OAS1: variants seen among roughly 807,000 people sequenced by gnomAD.
The protein encoded by OAS1 is 2'-5'-oligoadenylate synthase 1.
In OAS1, 24 loss-of-function variants were observed where a neutral mutation model predicts 38.5. The ratio of observed to expected loss-of-function variants is 0.62; its 90% CI spans 0.45 to 0.88. OAS1 has a LOEUF of 0.88. OAS1 is among the 40% of genes least tolerant of loss of function. The pLI is 0.00. For synonymous variants in OAS1, 169 were observed against 193.9 expected, an observed-to-expected ratio of 0.87 and a Z score of 1.07; for missense variants, 482 against 493.9, an observed-to-expected ratio of 0.98 and a Z score of 0.23.
intron 3 of OAS1, among the ~76,000 whole-genome samples, chr12:112,912,499 T>TA (rs1005449255): frequency 5.9e-5 from 9 of 152,016 alleles, no homozygotes; most frequent in African/African-American, 1.9e-4. Context: ...CACCTCTAGG[T>TA]AAAAAAAAGA....
intron 6 of OAS1, among the ~76,000 whole-genome samples, chr12:112,925,054 C>G (rs1331786312): frequency 6.6e-6 from 1 of 152,014 alleles, no homozygotes; most frequent in Non-Finnish European, 1.5e-5. Context: ...GCCGAGAAAA[C>G]AAAACTAAAA....
intron 6 of OAS1, among the ~76,000 whole-genome samples, chr12:112,925,842 G>T (rs1208653628): frequency 6.6e-6 from 1 of 152,190 alleles, no homozygotes; most frequent in Admixed American, 6.5e-5. Context: ...GTGGCTCTTA[G>T]TGTTACAGAG....
downstream of OAS1, among the ~76,000 whole-genome samples, chr12:112,923,626 T>G (rs1291121058): frequency 6.6e-6 from 1 of 152,242 alleles, no homozygotes; most frequent in Non-Finnish European, 1.5e-5. Context: ...CCTTATTAGA[T>G]GTATGGTTTG....
rs1358750684 is a variant in OAS1 at position 112,919,889 on chromosome 12, A to T, written c.*336A>T. ...TAATGTATTATCAATAACAATAAAAATAAAGCAAATACCATTTATTGGGTG... is the reference window on the plus strand; with the variant it reads ...TAATGTATTATCAATAACAATAAAATTAAAGCAAATACCATTTATTGGGTG... On this transcript the variant is annotated 3_prime_UTR_variant, in exon 6 of 6. Coordinates refer to ENST00000202917, the MANE Select transcript of OAS1 (RefSeq NM_016816.4). 1.6e-5 allele frequency: 11 copies of T among 707,916 alleles called. No individual in the cohort carries two copies. Among genetic ancestry groups the T allele is most frequent in the Middle Eastern group, 4.0e-4 (1 of 2,470 alleles). The allele number at this position is 707,916 out of a possible 1,614,324, so 43.9% of individuals were successfully genotyped here.
intron 3 of OAS1, among the ~76,000 whole-genome samples, chr12:112,914,169 G>A (rs1470102748): frequency 1.3e-5 from 2 of 152,102 alleles, no homozygotes; most frequent in African/African-American, 4.8e-5. Context: ...TCCCACATAT[G>A]AGTGAGAACA....
At chr12:112,917,470 G>A in intron 4 of OAS1, 77 bp from the exon 5 acceptor site, 2 of 1,579,676 alleles carry the variant, frequency 1.3e-6, no homozygotes, top group Non-Finnish European at 1.7e-6. Context: ...CTGCTATTTT[G>A]CTCTCCCAGG....
chr12:112,910,850 G>A (rs964352169), intron 2 of OAS1, among the ~76,000 whole-genome samples: 3 of 152,120 alleles, frequency 2.0e-5, no homozygotes, highest in Non-Finnish European at 4.4e-5. Flanking sequence ...TAGTTCCGGC[G>A]AGTGACGGTG....
chr12:112,908,197 C>G (rs1425656828), intron 1 of OAS1, among the ~76,000 whole-genome samples: 2 of 151,798 alleles, frequency 1.3e-5, no homozygotes, highest in Non-Finnish European at 2.9e-5. Context: ...TGTGAACCAC[C>G]CAGCATAAGC....
Position 112,907,300 on chromosome 12 carries a change from G to C in OAS1, c.180+81G>C, listed in dbSNP as rs1469962230. 2.1e-6 allele frequency: 3 copies of C among 1,442,024 alleles called. No individual in the cohort carries two copies. In the African/African-American group the frequency reaches 4.2e-5, roughly 20 times the overall value. 89.3% of individuals were successfully genotyped at this position (1,442,024 alleles called of 1,614,324 possible). ...ATTGAGAATGAGAGAGAGAGAGAGA[G>C]AGAAGCAAAAACCTAGAACCCAGGG... On this transcript the variant is annotated intron_variant, in intron 1 of 5. Transcript: ENST00000202917.
chr12:112,919,224 G>T, intron 5 of OAS1, 165 bp from the exon 6 acceptor site: 3 of 654,344 alleles, frequency 4.6e-6, no homozygotes, highest in South Asian at 3.8e-5. Flanking sequence ...AAGGGCTGAC[G>T]GCTGAAGTCT....
At chr12:112,912,735 T>C (rs1411485589) in intron 3 of OAS1, among the ~76,000 whole-genome samples, 1 of 152,228 alleles carries the variant, frequency 6.6e-6, no homozygotes, top group Non-Finnish European at 1.5e-5. Flanking sequence ...TATTGTACAA[T>C]GATCAAGAGA....
At chr12:112,918,025 A>T (rs1355553322) in intron 5 of OAS1, 14 of 988,736 alleles carry the variant, frequency 1.4e-5, no homozygotes, top group Non-Finnish European at 1.9e-5. Flanking sequence ...TAGTCACAAC[A>T]ATCCCATGAG....
chr12:112,909,693 A>C (rs938640539), intron 2 of OAS1, among the ~76,000 whole-genome samples: 1 of 152,148 alleles, frequency 6.6e-6, no homozygotes, highest in African/African-American at 2.4e-5. Flanking sequence ...ATCAGTCAAA[A>C]CTATGAATTT....
At chr12:112,926,183 C>T (rs1440593449) in intron 6 of OAS1, among the ~76,000 whole-genome samples, 1 of 152,146 alleles carries the variant, frequency 6.6e-6, no homozygotes, top group Non-Finnish European at 1.5e-5. Context: ...GGCCAGGTCT[C>T]ACTATTGTGC....
downstream of OAS1, among the ~76,000 whole-genome samples, chr12:112,924,604 A>G (rs1388897872): frequency 6.6e-6 from 1 of 152,040 alleles, no homozygotes; most frequent in Non-Finnish European, 1.5e-5. Context: ...TTTTTGTCAT[A>G]TGTATTCCCA....
rs541460233 is a variant in OAS1, at chr12:112,917,966, C to T, written c.1038+266C>T. On this transcript the variant is annotated intron_variant, in intron 5 of 5. Coordinates refer to ENST00000202917, the MANE Select transcript of OAS1 (RefSeq NM_016816.4). ...AACACCATTTATTGACTGTCTGCTT[C>T]GGGCTCAGGTTCTGTCCTAAGCCCT... The T allele has an allele frequency of 4.3e-4, 597 of 1,386,554 alleles. 1 individual carries two copies. In the South Asian group the frequency reaches 5.1e-3, roughly 12 times the overall value. 85.9% of individuals were successfully genotyped at this position (1,386,554 alleles called of 1,614,324 possible). A position where few individuals can be genotyped will look rare whatever the true frequency, so the allele number is the denominator to read the frequency against.
intron 5 of OAS1, chr12:112,918,473 T>C: frequency 5.8e-6 from 2 of 343,344 alleles, no homozygotes; most frequent in East Asian, 7.5e-5. Context: ...TGTCTTTTGA[T>C]AGAATGATTT....
chr12:112,919,364 G>A lies in OAS1; in HGVS notation c.1039-25G>A, dbSNP rs748830040. On this transcript the variant is annotated intron_variant, in intron 5 of 5. Transcript: ENST00000202917. ...CTGCAATGCAGGAAGACTCCCTGAT[G>A]TGATCATGTGTCTCACCCTTTCAGG... The A allele has an allele frequency of 7.5e-6, 12 of 1,595,216 alleles. No individual in the cohort carries two copies. The South Asian group carries it at 1.0e-4, about 14-fold the overall frequency.
intron 6 of OAS1, among the ~76,000 whole-genome samples, chr12:112,929,112 C>G (rs1032879636): frequency 3.9e-5 from 6 of 152,214 alleles, no homozygotes; most frequent in Admixed American, 3.9e-4. Flanking sequence ...CCAAGATGAC[C>G]CCATGCCAGA....
Sources: allele counts gnomAD v4.1 joint callset (sites outside exome capture counted in the v4.1 genomes callset), GRCh38; gene constraint gnomAD v4.1.1; transcripts MANE v1.5; gene names NCBI Gene and HGNC (gene_info 2026-07-23, HGNC 2026-07-21).